EYS: variants seen among roughly 807,000 people sequenced by gnomAD.
EYS encodes EGF-like photoreceptor maintenance factor.
EYS carries 250 observed loss-of-function variants against 282.1 expected under a neutral mutation model. The ratio of observed to expected loss-of-function variants is 0.89; its 90% CI spans 0.80 to 0.98. The LOEUF (loss-of-function observed/expected upper bound fraction) is 0.98, where lower values mean the gene tolerates loss of function less well. Ranked by LOEUF, EYS falls within the 50% of genes least tolerant of loss-of-function variation. EYS has a pLI of 0.00. For synonymous variants in EYS, 1,355 were observed against 1,282.9 expected, an observed-to-expected ratio of 1.06 and a Z score of -1.20; for missense variants, 4,016 against 3,709.0, an observed-to-expected ratio of 1.08 and a Z score of -2.15.
intron 40 of EYS, among the ~76,000 whole-genome samples, chr6:63,768,901 T>C (rs1240190275): frequency 6.6e-6 from 1 of 151,922 alleles, no homozygotes; most frequent in Non-Finnish European, 1.5e-5. Flanking sequence ...ATTGAAAAAA[T>C]GAAATCATGT....
intron 14 of EYS, among the ~76,000 whole-genome samples, chr6:64,955,492 C>T (rs79035457): frequency 2.0e-5 from 3 of 152,156 alleles, no homozygotes; most frequent in African/African-American, 7.2e-5. Context: ...CTGGCACCAC[C>T]CTTGTGGTGT....
chr6:64,888,248 G>A (rs1362293371), intron 18 of EYS, among the ~76,000 whole-genome samples: 6 of 151,946 alleles, frequency 3.9e-5, no homozygotes, highest in Non-Finnish European at 5.9e-5. Flanking sequence ...GTAAGGTATT[G>A]TATATTCAAA....
At chr6:64,644,401 G>T (rs1768280078) in intron 22 of EYS, among the ~76,000 whole-genome samples, 1 of 151,974 alleles carries the variant, frequency 6.6e-6, no homozygotes, top group Non-Finnish European at 1.5e-5. Context: ...GAGTGAAGAG[G>T]GTAAGAACCA....
intron 31 of EYS, among the ~76,000 whole-genome samples, chr6:64,210,646 A>C (rs1765735902): frequency 6.6e-6 from 1 of 152,216 alleles, no homozygotes. Flanking sequence ...TTTAAAAATA[A>C]TGGCAATGAT....
chr6:64,215,582 T>G (rs1765905030), intron 31 of EYS, among the ~76,000 whole-genome samples: 1 of 152,222 alleles, frequency 6.6e-6, no homozygotes, highest in Admixed American at 6.5e-5. Context: ...TTTTCATTTT[T>G]TCCCTAAATA....
intron 13 of EYS, among the ~76,000 whole-genome samples, chr6:65,050,110 A>G (rs1460553926): frequency 6.6e-6 from 1 of 151,666 alleles, no homozygotes; most frequent in Admixed American, 6.6e-5. Context: ...AAGATATTAA[A>G]GAGCTTTGAA....
At position 63,921,594 on chromosome 6, in the gene EYS, T is replaced by G. The variant is rs1187888495; in HGVS notation, c.7056-57236A>C. Among the ~76,000 whole-genome samples the G allele has an allele frequency of 2.6e-5, 4 of 152,242 alleles. No homozygotes were observed. In the East Asian group the frequency reaches 7.7e-4, roughly 29 times the overall value. On this transcript the variant is annotated intron_variant, in intron 35 of 42. Transcript: ENST00000503581. ...ATCTTTGGGACTTTGGGCCCCGGCATGTGCTGTGTAGCTTCTGGTGGGCTT... is the reference window on the plus strand; with the variant it reads ...ATCTTTGGGACTTTGGGCCCCGGCAGGTGCTGTGTAGCTTCTGGTGGGCTT...
chr6:65,041,596 G>A (rs1407215871), intron 13 of EYS, among the ~76,000 whole-genome samples: 1 of 151,572 alleles, frequency 6.6e-6, no homozygotes, highest in Non-Finnish European at 1.5e-5. Context: ...CAGTACTCCT[G>A]TGTTAAAAAT....
At chr6:64,265,817 C>T (rs776666815) in intron 30 of EYS, among the ~76,000 whole-genome samples, 25 of 151,858 alleles carry the variant, frequency 1.6e-4, no homozygotes, top group Non-Finnish European at 2.6e-4. Flanking sequence ...ATGTATTTTC[C>T]AAAAAATAAC....
intron 22 of EYS, among the ~76,000 whole-genome samples, chr6:64,808,070 T>C (rs1330019631): frequency 3.5e-5 from 5 of 143,654 alleles, no homozygotes; most frequent in Non-Finnish European, 7.6e-5. Flanking sequence ...CTTCCCTTTC[T>C]TTCCCTTCCC....
At chr6:64,778,288 T>C (rs891737580) in intron 22 of EYS, among the ~76,000 whole-genome samples, 1 of 152,150 alleles carries the variant, frequency 6.6e-6, no homozygotes, top group South Asian at 2.1e-4. Flanking sequence ...GGAGACACAT[T>C]TGAATTGAGC....
At chr6:65,548,595 TTCTGTATCTG>T (rs1768478401) in intron 2 of EYS, among the ~76,000 whole-genome samples, 1 of 152,170 alleles carries the variant, frequency 6.6e-6, no homozygotes, top group Non-Finnish European at 1.5e-5. Flanking sequence ...TTCCAAGAAA[TTCTGTATCTG>T]TCTGATTCCC....
chr6:64,781,179 T>C (rs1773845561), intron 22 of EYS, among the ~76,000 whole-genome samples: 2 of 152,172 alleles, frequency 1.3e-5, no homozygotes, highest in Admixed American at 1.3e-4. Context: ...CCCAGTTAAA[T>C]GTGAATTTCA....
At chr6:64,076,269 A>AT (rs936906867) in intron 32 of EYS, among the ~76,000 whole-genome samples, 4 of 151,956 alleles carry the variant, frequency 2.6e-5, no homozygotes, top group African/African-American at 9.7e-5. Flanking sequence ...ATACCTACTT[A>AT]TTTTTTATCA....
intron 12 of EYS, among the ~76,000 whole-genome samples, chr6:65,180,511 A>AGAGT (rs1765350138): frequency 5.9e-5 from 9 of 152,132 alleles, no homozygotes; most frequent in Admixed American, 5.2e-4. Context: ...GACGTGAAGG[A>AGAGT]CCTCTTCAAG....
intron 13 of EYS, among the ~76,000 whole-genome samples, chr6:65,030,250 A>T (rs1772554748): frequency 1.3e-5 from 2 of 152,050 alleles, no homozygotes; most frequent in South Asian, 4.2e-4. Context: ...TGCTTGGCTG[A>T]TGCTGCTTGC....
At position 64,576,570 on chromosome 6, in the gene EYS, G is replaced by A. The variant is rs80303766; in HGVS notation, c.5644+13653C>T. Among the ~76,000 whole-genome samples, 18 of 152,120 alleles carry A rather than the reference G, an allele frequency of 1.2e-4. No homozygotes were observed. The East Asian group carries it at 3.5e-3, about 29-fold the overall frequency. ...TATTTATGGGGAAAGGTCTTTAGAA[G>A]ACTGAAGAATATCAACACATCTATG... On this transcript the variant is annotated intron_variant, in intron 26 of 42. Transcript: ENST00000503581.
intron 24 of EYS, among the ~76,000 whole-genome samples, chr6:64,595,194 A>G (rs12663854): frequency 0.098 from 14,955 of 152,256 alleles, 902 homozygotes; most frequent in East Asian, 0.17. Flanking sequence ...CAAAATCCAT[A>G]TAAGTATCTC....
chr6:63,859,802 C>T (rs1772489797), intron 36 of EYS, among the ~76,000 whole-genome samples: 1 of 152,134 alleles, frequency 6.6e-6, no homozygotes, highest in South Asian at 2.1e-4. Context: ...CCATCACTGC[C>T]ACGATTACCC....
Sources: allele counts gnomAD v4.1 joint callset (sites outside exome capture counted in the v4.1 genomes callset), GRCh38; gene constraint gnomAD v4.1.1; transcripts MANE v1.5; gene names NCBI Gene and HGNC (gene_info 2026-07-23, HGNC 2026-07-21).